ETV6: variants seen among roughly 807,000 people sequenced by gnomAD.
ETV6 encodes the protein ETS variant transcription factor 6.
A neutral mutation model predicts 51.1 loss-of-function variants in ETV6; 16 were observed. That is an observed-to-expected ratio of 0.31 (90% CI 0.21 to 0.48). The LOEUF is 0.48. Among genes scored for constraint, ETV6 ranks in the 20% least tolerant of loss-of-function variants. The pLI is 0.99. For synonymous variants in ETV6, 240 were observed against 224.1 expected (o/e 1.07, Z -0.64); for missense variants, 458 against 594.8 (o/e 0.77, Z 2.39).
intron 5 of ETV6, among the ~76,000 whole-genome samples, chr12:11,880,697 C>T (rs1392050143): frequency 6.6e-6 from 1 of 152,150 alleles, no homozygotes; most frequent in Non-Finnish European, 1.5e-5. Context: ...AGAGGGCTGC[C>T]ATGATGTCAC....
intron 5 of ETV6, among the ~76,000 whole-genome samples, chr12:11,881,564 G>A (rs1448161983): frequency 6.6e-6 from 1 of 152,174 alleles, no homozygotes; most frequent in Non-Finnish European, 1.5e-5. Context: ...TCTTCACTTG[G>A]TGGAAGGGTG....
intron 2 of ETV6, among the ~76,000 whole-genome samples, chr12:11,778,457 G>A (rs1399737714): frequency 2.0e-5 from 3 of 152,212 alleles, no homozygotes; most frequent in African/African-American, 4.8e-5. Context: ...GTGTTTTCTT[G>A]TAACCATCTG....
chr12:11,803,310 T>C (rs1057013217), intron 2 of ETV6, among the ~76,000 whole-genome samples: 1 of 152,148 alleles, frequency 6.6e-6, no homozygotes, highest in Non-Finnish European at 1.5e-5. Flanking sequence ...TAGGAAGAAA[T>C]TTGTCCGCTG....
chr12:11,788,752 A>G (rs1365734360), intron 2 of ETV6, among the ~76,000 whole-genome samples: 1 of 109,394 alleles, frequency 9.1e-6, no homozygotes, highest in African/African-American at 3.4e-5. Flanking sequence ...ACGTGCTTGT[A>G]TTGGTTTTTT....
rs1945848796 is a variant in ETV6, at chr12:11,807,659, C to A, written c.164-31481C>A. ...ACCCACTTTAGTCTTTACTTACTGG[C>A]AGGCAGCAACATGTCCTATTTACAG... is the stretch of plus-strand genomic sequence containing the variant. On this transcript the variant is annotated intron_variant, in intron 2 of 7. Transcript: ENST00000396373. 3.3e-5 allele frequency among the ~76,000 whole-genome samples: 5 copies of A among 152,318 alleles called. No individual in the cohort carries two copies. The South Asian group carries it at 1.0e-3, about 32-fold the overall frequency.
intron 1 of ETV6, among the ~76,000 whole-genome samples, chr12:11,682,796 T>C (rs900180542): frequency 7.9e-5 from 12 of 152,232 alleles, no homozygotes; most frequent in African/African-American, 2.9e-4. Context: ...TGCATATGGC[T>C]AGCCAGTTTT....
At position 11,892,210 on chromosome 12, in the gene ETV6, A is replaced by ATTTTTTTTT. The variant is rs35812814; in HGVS notation, c.*1179_*1187dup. The ATTTTTTTTT allele has an allele frequency of 3.3e-5, 5 of 153,590 alleles. No individual in the cohort carries two copies. Among genetic ancestry groups the ATTTTTTTTT allele is most frequent in the African/African-American group, 1.2e-4 (3 of 24,366 alleles). 9.5% of individuals were successfully genotyped at this position (153,590 alleles called of 1,614,324 possible). A position where few individuals can be genotyped will look rare whatever the true frequency, so the allele number is the denominator to read the frequency against. On this transcript the variant is annotated 3_prime_UTR_variant, in exon 8 of 8. Coordinates refer to ENST00000396373, the MANE Select transcript of ETV6 (RefSeq NM_001987.5). ...GTGGTCAGTTTCATGCCCTCACCTG[A>ATTTTTTTTT]TTTTTTTTTTTTTTTTTTTTTTTCA...
intron 2 of ETV6, among the ~76,000 whole-genome samples, chr12:11,782,060 A>G (rs1945421919): frequency 6.6e-6 from 1 of 152,218 alleles, no homozygotes; most frequent in South Asian, 2.1e-4. Flanking sequence ...CATTTTTGCA[A>G]ATATGCACAA....
At chr12:11,817,307 T>C (rs1193846840) in intron 2 of ETV6, among the ~76,000 whole-genome samples, 1 of 152,214 alleles carries the variant, frequency 6.6e-6, no homozygotes, top group African/African-American at 2.4e-5. Flanking sequence ...TTTCAATACT[T>C]ATTCTCGTAG....
chr12:11,689,809 T>TCCCCCCCC (rs796644073), intron 1 of ETV6, among the ~76,000 whole-genome samples: 1 of 47,088 alleles, frequency 2.1e-5, no homozygotes, highest in Admixed American at 2.9e-4. Flanking sequence ...TCTTTTTCCC[T>TCCCCCCCC]CCCCCCCCCC....
In ETV6 at chr12:11,844,914, C is replaced by G. The variant is rs193076115; in HGVS notation, c.328+5610C>G. On this transcript the variant is annotated intron_variant, in intron 3 of 7. Transcript: ENST00000396373. The stretch of plus-strand genomic sequence containing the variant: ...TGCCGTGATCTCGGCTCACTGCAAC[C>G]TCCGCCTCCAGGGTTCAAGCAATTC... Among the ~76,000 whole-genome samples the G allele has an allele frequency of 4.6e-3, 707 of 152,178 alleles. 6 individuals are homozygous for G. Among genetic ancestry groups the G allele is most frequent in the African/African-American group, 0.016 (661 of 41,530 alleles).
At chr12:11,796,058 A>G (rs752907482) in intron 2 of ETV6, among the ~76,000 whole-genome samples, 3 of 152,112 alleles carry the variant, frequency 2.0e-5, no homozygotes, top group South Asian at 2.1e-4. Context: ...ATGAAGCTCA[A>G]ATTACCTTGG....
intron 2 of ETV6, among the ~76,000 whole-genome samples, chr12:11,768,618 A>G (rs915997833): frequency 6.6e-6 from 1 of 152,220 alleles, no homozygotes; most frequent in South Asian, 2.1e-4. Flanking sequence ...GCAAAAAGAA[A>G]CAAAATTAAC....
At chr12:11,828,582 T>C (rs566313011) in intron 2 of ETV6, among the ~76,000 whole-genome samples, 28 of 152,320 alleles carry the variant, frequency 1.8e-4, no homozygotes, top group African/African-American at 6.7e-4. Flanking sequence ...CTAAACGGAT[T>C]CTCCAGGGAT....
At chr12:11,729,308 C>T (rs1216438885) in intron 1 of ETV6, among the ~76,000 whole-genome samples, 1 of 152,136 alleles carries the variant, frequency 6.6e-6, no homozygotes, top group Non-Finnish European at 1.5e-5. Context: ...CCTGAGTAGT[C>T]TCATCTGGGT....
chr12:11,760,261 A>ATT (rs760582827), intron 2 of ETV6, among the ~76,000 whole-genome samples: 13 of 152,208 alleles, frequency 8.5e-5, no homozygotes, highest in Non-Finnish European at 1.8e-4. Context: ...ATTGGTCTCC[A>ATT]TTTCTGCTTC....
At position 11,749,288 on chromosome 12, in the gene ETV6, T is replaced by TACACACACACAC. The variant is rs761925697; in HGVS notation, c.34-3111_34-3100dup. 2.5e-3 allele frequency among the ~76,000 whole-genome samples: 306 copies of TACACACACACAC among 122,902 alleles called. 3 individuals are homozygous for TACACACACACAC. Among genetic ancestry groups the TACACACACACAC allele is most frequent in the African/African-American group, 5.1e-3 (159 of 31,060 alleles). 80.6% of individuals were successfully genotyped at this position (122,902 alleles called of 152,430 possible). ...CTTGGGAAAATCGTTATCCCCCCCATACACACACACACACACACACACACA... is the reference window on the plus strand; with the variant it reads ...CTTGGGAAAATCGTTATCCCCCCCATACACACACACACACACACACACACACACACACACACA... On this transcript the variant is annotated intron_variant, in intron 1 of 7. Coordinates refer to ENST00000396373, the MANE Select transcript of ETV6 (RefSeq NM_001987.5).
chr12:11,672,582 C>T (rs556202432), intron 1 of ETV6, among the ~76,000 whole-genome samples: 2 of 152,166 alleles, frequency 1.3e-5, no homozygotes, highest in African/African-American at 2.4e-5. Context: ...ACAAAGCTTG[C>T]GTATAATATA....
chr12:11,849,108 G>GT (rs1946508558), intron 3 of ETV6, among the ~76,000 whole-genome samples: 2 of 151,346 alleles, frequency 1.3e-5, no homozygotes, highest in African/African-American at 4.9e-5. Flanking sequence ...CTGTTTTGGC[G>GT]TTGTTTGTTT....
Sources: allele counts gnomAD v4.1 joint callset (sites outside exome capture counted in the v4.1 genomes callset), GRCh38; gene constraint gnomAD v4.1.1; transcripts MANE v1.5; gene names NCBI Gene and HGNC (gene_info 2026-07-23, HGNC 2026-07-21).